The following LUZP2 variants were observed in gnomAD, a reference collection of about 807,000 sequenced individuals.
LUZP2 encodes leucine zipper protein 2.
LUZP2 carries 52 observed loss-of-function variants against 51.6 expected under a neutral mutation model. The ratio of observed to expected loss-of-function variants is 1.01; its 90% CI spans 0.81 to 1.27. The LOEUF (loss-of-function observed/expected upper bound fraction) is 1.27. LUZP2 is among the 50% of genes most tolerant of loss of function. The pLI, the probability that LUZP2 is intolerant of heterozygous loss-of-function variation, is 0.00. For synonymous variants in LUZP2, 154 were observed against 137.3 expected, an observed-to-expected ratio of 1.12 and a Z score of -0.85; for missense variants, 436 against 395.4, an observed-to-expected ratio of 1.10 and a Z score of -0.87.
At chr11:24,898,513 C>T (rs1471982423) in intron 5 of LUZP2, among the ~76,000 whole-genome samples, 5 of 151,908 alleles carry the variant, frequency 3.3e-5, no homozygotes, top group East Asian at 1.9e-4. Flanking sequence ...AGTCCCGCTA[C>T]GCGGGAGCCT....
chr11:24,754,647 T>A (rs1033040360), intron 4 of LUZP2, among the ~76,000 whole-genome samples: 1 of 152,154 alleles, frequency 6.6e-6, no homozygotes, highest in Non-Finnish European at 1.5e-5. Context: ...ATCAACTGCT[T>A]CATCTGGGGT....
chr11:24,988,515 C>T (rs1856247612), intron 9 of LUZP2, among the ~76,000 whole-genome samples: 1 of 151,896 alleles, frequency 6.6e-6, no homozygotes, highest in African/African-American at 2.4e-5. Context: ...TATTATGAGA[C>T]ATGTTACTGA....
At chr11:24,690,669 G>A (rs549689367) in intron 1 of LUZP2, among the ~76,000 whole-genome samples, 2 of 152,074 alleles carry the variant, frequency 1.3e-5, no homozygotes, top group African/African-American at 4.8e-5. Context: ...GCTATATAAC[G>A]GAGTATGTGT....
chr11:24,759,236 C>T (rs1859889475), intron 4 of LUZP2, among the ~76,000 whole-genome samples: 1 of 152,034 alleles, frequency 6.6e-6, no homozygotes, highest in Admixed American at 6.6e-5. Context: ...GTTTTAGCTT[C>T]AAGCTTTGAA....
intron 4 of LUZP2, among the ~76,000 whole-genome samples, chr11:24,739,947 A>G (rs935912927): frequency 2.0e-5 from 3 of 152,124 alleles, no homozygotes; most frequent in African/African-American, 7.2e-5. Context: ...CAAATGTTAC[A>G]TAAAAGAATA....
intron 7 of LUZP2, among the ~76,000 whole-genome samples, chr11:24,960,061 T>C (rs552857641): frequency 6.6e-6 from 1 of 152,334 alleles, no homozygotes; most frequent in Non-Finnish European, 1.5e-5. Context: ...TTTATTGATT[T>C]GTGTATATTG....
intron 1 of LUZP2, among the ~76,000 whole-genome samples, chr11:24,681,697 T>A (rs112361299): frequency 1.1e-4 from 16 of 152,314 alleles, no homozygotes; most frequent in African/African-American, 3.4e-4. Flanking sequence ...TTTTAACACA[T>A]CTTGAATTAA....
chr11:24,560,885 T>C (rs955078347), intron 1 of LUZP2, among the ~76,000 whole-genome samples: 1 of 152,166 alleles, frequency 6.6e-6, no homozygotes, highest in African/African-American at 2.4e-5. Flanking sequence ...AGCATAGGAA[T>C]GGAGTCCAGG....
chr11:24,859,755 C>T (rs998254860), intron 5 of LUZP2, among the ~76,000 whole-genome samples: 1 of 152,212 alleles, frequency 6.6e-6, no homozygotes, highest in Admixed American at 6.5e-5. Context: ...GGGGGAACCC[C>T]TTTCCCCCAG....
chr11:24,739,705 TG>T (rs1270903034), intron 4 of LUZP2, among the ~76,000 whole-genome samples: 1 of 152,122 alleles, frequency 6.6e-6, no homozygotes, highest in Non-Finnish European at 1.5e-5. Context: ...GATTAAAATG[TG>T]GAGTTTTGCT....
At chr11:24,995,956 C>A (rs1856483358) in intron 9 of LUZP2, among the ~76,000 whole-genome samples, 1 of 151,458 alleles carries the variant, frequency 6.6e-6, no homozygotes, top group South Asian at 2.1e-4. Context: ...ATTTAAAAAT[C>A]CAGTAAAATT....
rs72886133 is a variant in LUZP2 at position 24,810,897 on chromosome 11, A to C, written c.396+47589A>C. ...ACTGATTTGCCTTTATCCTGTGGAG[A>C]TGGGTCAGTAGCAAGATTGTAGCTC... is the stretch of plus-strand genomic sequence containing the variant. On this transcript the variant is annotated intron_variant, in intron 5 of 11. Transcript: ENST00000336930. Among the ~76,000 whole-genome samples, 1,104 of 152,060 alleles carry C rather than the reference A, an allele frequency of 7.3e-3. 13 individuals are homozygous for C. The highest frequency in any genetic ancestry group is 0.024 in the African/African-American group (986 of 41,474).
At chr11:24,547,825 G>A (rs1851606445) in intron 1 of LUZP2, among the ~76,000 whole-genome samples, 1 of 151,880 alleles carries the variant, frequency 6.6e-6, no homozygotes, top group Admixed American at 6.6e-5. Context: ...ATCTGATAAA[G>A]GTCTAATATT....
intron 7 of LUZP2, among the ~76,000 whole-genome samples, chr11:24,955,214 A>T (rs913356950): frequency 2.0e-5 from 3 of 152,138 alleles, no homozygotes; most frequent in African/African-American, 4.8e-5. Context: ...ATAAAAAAAA[A>T]TTTGAAGACT....
chr11:25,024,303 C>T (rs1225430897), intron 9 of LUZP2, among the ~76,000 whole-genome samples: 1 of 152,076 alleles, frequency 6.6e-6, no homozygotes, highest in Non-Finnish European at 1.5e-5. Context: ...CCAGGGCAAT[C>T]AGGCAAGAGA....
intron 1 of LUZP2, among the ~76,000 whole-genome samples, chr11:24,728,161 C>T (rs571910504): frequency 1.3e-5 from 2 of 151,990 alleles, no homozygotes; most frequent in South Asian, 2.1e-4. Context: ...TTGAACTTGT[C>T]GACCCATCTT....
intron 10 of LUZP2, among the ~76,000 whole-genome samples, chr11:25,056,405 A>G (rs12279520): frequency 0.48 from 73,389 of 151,778 alleles, 18,435 homozygotes; most frequent in Non-Finnish European, 0.53. Flanking sequence ...ATTATCAGCA[A>G]CCTCACCACC....
intron 10 of LUZP2, among the ~76,000 whole-genome samples, chr11:25,058,121 T>A (rs1025798503): frequency 2.0e-5 from 3 of 152,164 alleles, no homozygotes; most frequent in Non-Finnish European, 4.4e-5. Flanking sequence ...TCTGAAGAGG[T>A]TGGCTTCATT....
chr11:24,967,830 C>A (rs1855632377), intron 7 of LUZP2, among the ~76,000 whole-genome samples: 1 of 152,016 alleles, frequency 6.6e-6, no homozygotes, highest in African/African-American at 2.4e-5. Flanking sequence ...CTGCTATATT[C>A]AACATATAGA....
Sources: gnomAD v4.1 joint callset for allele counts (sites outside exome capture counted in the v4.1 genomes callset) on GRCh38, gnomAD v4.1.1 for gene constraint, MANE v1.5 for transcripts, NCBI Gene and HGNC (gene_info 2026-07-23, HGNC 2026-07-21) for gene names.